The following MECOM variants were observed in gnomAD, a reference collection of about 807,000 sequenced individuals.
The protein encoded by MECOM is MDS1 and EVI1 complex locus.
Under a neutral mutation model 116.3 loss-of-function variants are expected in MECOM, and 13 were observed. The observed-to-expected ratio is 0.11, with a 90% CI of 0.07 to 0.18. The LOEUF (loss-of-function observed/expected upper bound fraction) is 0.18, where lower values mean the gene tolerates loss of function less well. MECOM is among the 10% of genes least tolerant of loss of function. The pLI is 1.00. For synonymous variants in MECOM, 528 were observed against 535.2 expected, an observed-to-expected ratio of 0.99 and a Z score of 0.19; for missense variants, 1,299 against 1,509.0, an observed-to-expected ratio of 0.86 and a Z score of 2.31.
At chr3:169,412,050 C>T (rs1560238458) in intron 1 of MECOM, among the ~76,000 whole-genome samples, 1 of 151,778 alleles carries the variant, frequency 6.6e-6, no homozygotes, top group Non-Finnish European at 1.5e-5. Flanking sequence ...CTTTGGGAGG[C>T]CAAGGCAGGT....
intron 1 of MECOM, among the ~76,000 whole-genome samples, chr3:169,610,199 T>TA (rs1284682813): frequency 6.6e-6 from 1 of 152,190 alleles, no homozygotes. Flanking sequence ...AAGCCCTGAA[T>TA]TTGGCAAGTT....
intron 2 of MECOM, among the ~76,000 whole-genome samples, chr3:169,370,345 C>T (rs991187720): frequency 2.0e-5 from 3 of 151,890 alleles, no homozygotes; most frequent in Admixed American, 1.3e-4. Context: ...TTGACCCTTA[C>T]TTATCGCACA....
chr3:169,511,509 C>A (rs1344326472), intron 1 of MECOM, among the ~76,000 whole-genome samples: 1 of 152,142 alleles, frequency 6.6e-6, no homozygotes, highest in Non-Finnish European at 1.5e-5. Context: ...TGCCTGTAGT[C>A]CCAGCACTTT....
At chr3:169,198,036 C>T (rs547091541) in intron 2 of MECOM, among the ~76,000 whole-genome samples, 2 of 152,144 alleles carry the variant, frequency 1.3e-5, no homozygotes, top group South Asian at 4.1e-4. Context: ...ACAAAGAACA[C>T]ATTTTCATGA....
In MECOM at chr3:169,281,883, G is replaced by A. The variant is rs139155268; in HGVS notation, c.375+99304C>T. Among the ~76,000 whole-genome samples the A allele has an allele frequency of 2.8e-3, 422 of 152,256 alleles. 1 individual carries two copies. The highest frequency in any genetic ancestry group is 9.5e-3 in the African/African-American group (396 of 41,550). On this transcript the variant is annotated intron_variant, in intron 2 of 16. Transcript: ENST00000651503. ...AAGTGGTAAAAGGAATGCATTTGCA[G>A]AGAAAATATCAAAACTTTAGTCACC...
chr3:169,440,582 A>G (rs1578108343), intron 1 of MECOM, among the ~76,000 whole-genome samples: 1 of 152,196 alleles, frequency 6.6e-6, no homozygotes, highest in East Asian at 1.9e-4. Context: ...GGGTGGGGGA[A>G]GACAACACTC....
At chr3:169,316,798 G>A (rs756145609) in intron 2 of MECOM, among the ~76,000 whole-genome samples, 3 of 152,140 alleles carry the variant, frequency 2.0e-5, no homozygotes, top group East Asian at 1.9e-4. Context: ...AGTGATCTGC[G>A]TGCCTTGGCC....
chr3:169,371,073 T>C (rs1299752218), intron 2 of MECOM, among the ~76,000 whole-genome samples: 1 of 152,006 alleles, frequency 6.6e-6, no homozygotes, highest in Admixed American at 6.6e-5. Flanking sequence ...ACATAGTCAT[T>C]GACTGCAACA....
chr3:169,283,913 G>T (rs1382619817), intron 2 of MECOM, among the ~76,000 whole-genome samples: 2 of 152,162 alleles, frequency 1.3e-5, no homozygotes, highest in African/African-American at 4.8e-5. Flanking sequence ...CAAGACTCAT[G>T]GTTGCAGTGT....
chr3:169,660,007 G>C (rs369324104), intron 1 of MECOM, among the ~76,000 whole-genome samples: 2 of 152,128 alleles, frequency 1.3e-5, no homozygotes, highest in Admixed American at 6.5e-5. Flanking sequence ...GATGCAACTC[G>C]TTCTCTGCTG....
At chr3:169,151,076 A>T (rs1417424337) in intron 2 of MECOM, among the ~76,000 whole-genome samples, 1 of 152,188 alleles carries the variant, frequency 6.6e-6, no homozygotes, top group Admixed American at 6.5e-5. Context: ...AGTGATTCCC[A>T]CAAGACTGTA....
At chr3:169,493,207 G>T (rs1753328348) in intron 1 of MECOM, among the ~76,000 whole-genome samples, 1 of 152,070 alleles carries the variant, frequency 6.6e-6, no homozygotes, top group Non-Finnish European at 1.5e-5. Context: ...ACCAAGCACT[G>T]GGGCTCAAGA....
intron 13 of MECOM, 74 bp downstream of exon 13, chr3:169,095,002 A>T (rs1400259192): frequency 7.9e-7 from 1 of 1,270,188 alleles, no homozygotes; most frequent in East Asian, 2.6e-5. Context: ...AAGAAGAAAG[A>T]TCACATTATC....
intron 1 of MECOM, among the ~76,000 whole-genome samples, chr3:169,559,048 A>G (rs190941325): frequency 8.1e-4 from 121 of 149,716 alleles, no homozygotes; most frequent in African/African-American, 1.4e-3. Context: ...ACACACGCGC[A>G]CACACACACA....
chr3:169,656,526 C>G (rs534779424), intron 1 of MECOM, among the ~76,000 whole-genome samples: 17 of 152,184 alleles, frequency 1.1e-4, no homozygotes, highest in African/African-American at 4.1e-4. Context: ...AGTTCTTTAA[C>G]CACAAAACAG....
chr3:169,344,785 T>C (rs543040085), intron 2 of MECOM, among the ~76,000 whole-genome samples: 11 of 152,336 alleles, frequency 7.2e-5, no homozygotes, highest in African/African-American at 2.2e-4. Flanking sequence ...GGAGCAATTA[T>C]GCAGATATGG....
chr3:169,407,958 G>A (rs192107675), intron 1 of MECOM, among the ~76,000 whole-genome samples: 74 of 152,066 alleles, frequency 4.9e-4, no homozygotes, highest in Non-Finnish European at 9.0e-4. Flanking sequence ...AATTGATCAT[G>A]TTTGGGAAAA....
chr3:169,226,585 A>C (rs1313835077), intron 2 of MECOM, among the ~76,000 whole-genome samples: 3 of 152,336 alleles, frequency 2.0e-5, no homozygotes, highest in Non-Finnish European at 4.4e-5. Flanking sequence ...ATCAAGTGAC[A>C]ACTTGCCCAA....
At chr3:169,600,476 TC>T (rs2109735767) in intron 1 of MECOM, among the ~76,000 whole-genome samples, 1 of 152,218 alleles carries the variant, frequency 6.6e-6, no homozygotes, top group African/African-American at 2.4e-5. Flanking sequence ...TGCACACGTA[TC>T]CCTAAAATGT....
Sources: gnomAD v4.1 joint callset for allele counts (sites outside exome capture counted in the v4.1 genomes callset) on GRCh38, gnomAD v4.1.1 for gene constraint, MANE v1.5 for transcripts, NCBI Gene and HGNC (gene_info 2026-07-23, HGNC 2026-07-21) for gene names.